ZFHX3: variants seen among roughly 807,000 people sequenced by gnomAD.
ZFHX3 encodes the protein zinc finger homeobox 3.
ZFHX3 carries 42 observed loss-of-function variants against 279.1 expected under a neutral mutation model. The ratio of observed to expected loss-of-function variants is 0.15; its 90% CI spans 0.12 to 0.19. The LOEUF is 0.19. ZFHX3 is among the 10% of genes least tolerant of loss of function. The pLI is 1.00. For synonymous variants in ZFHX3, 2,293 were observed against 1,957.8 expected, an observed-to-expected ratio of 1.17 and a Z score of -4.52; for missense variants, 4,981 against 4,754.0, an observed-to-expected ratio of 1.05 and a Z score of -1.40.
intron 5 of ZFHX3, among the ~76,000 whole-genome samples, chr16:73,214,843 C>CTTTTTTTTT (rs386385051): frequency 4.1e-3 from 328 of 79,266 alleles, no homozygotes; most frequent in Middle Eastern, 0.012. Flanking sequence ...TGCTGAAGGC[C>CTTTTTTTTT]TTTTTTTTTT....
At chr16:73,463,510 C>T (rs1442790373) in intron 2 of ZFHX3, among the ~76,000 whole-genome samples, 1 of 152,162 alleles carries the variant, frequency 6.6e-6, no homozygotes, top group Non-Finnish European at 1.5e-5. Context: ...TCTGGTATAA[C>T]CTGTGCTTTT....
At chr16:73,563,942 G>A (rs1157279552) in intron 2 of ZFHX3, among the ~76,000 whole-genome samples, 1 of 151,972 alleles carries the variant, frequency 6.6e-6, no homozygotes, top group African/African-American at 2.4e-5. Flanking sequence ...ACTTCTCAAG[G>A]GACTCAAAGC....
chr16:73,522,607 G>A (rs758537641), intron 2 of ZFHX3, among the ~76,000 whole-genome samples: 3 of 152,104 alleles, frequency 2.0e-5, no homozygotes, highest in African/African-American at 4.8e-5. Flanking sequence ...GCAGGAAACC[G>A]GGCAGGAAAT....
At chr16:73,592,231 AAAAC>A (rs890574495) in intron 2 of ZFHX3, among the ~76,000 whole-genome samples, 305 of 152,330 alleles carry the variant, frequency 2.0e-3, no homozygotes, top group African/African-American at 6.4e-3. Flanking sequence ...AGACTGTCTC[AAAAC>A]AAACAAACGA....
At chr16:73,574,318 C>T (rs1019567587) in intron 2 of ZFHX3, among the ~76,000 whole-genome samples, 9 of 150,628 alleles carry the variant, frequency 6.0e-5, no homozygotes, top group Non-Finnish European at 1.0e-4. Context: ...GTAACGGACC[C>T]GGGTGAAATT....
intron 4 of ZFHX3, among the ~76,000 whole-genome samples, chr16:73,268,626 G>T (rs947595474): frequency 5.9e-5 from 9 of 152,194 alleles, no homozygotes; most frequent in Admixed American, 5.9e-4. Context: ...TAATTCAGAA[G>T]AATAAGCCTG....
intron 2 of ZFHX3, among the ~76,000 whole-genome samples, chr16:73,507,002 C>T (rs1159321971): frequency 1.3e-5 from 2 of 152,204 alleles, no homozygotes; most frequent in Non-Finnish European, 2.9e-5. Context: ...CTTCCACCGA[C>T]GCATAAGTGG....
chr16:73,695,652 G>T (rs778987294), intron 1 of ZFHX3, among the ~76,000 whole-genome samples: 7 of 152,160 alleles, frequency 4.6e-5, no homozygotes, highest in Non-Finnish European at 7.4e-5. Flanking sequence ...TGTCATTTCA[G>T]CTTCTTTCAT....
chr16:72,989,386 G>T (rs538950620), intron 1 of ZFHX3, among the ~76,000 whole-genome samples: 1 of 151,976 alleles, frequency 6.6e-6, no homozygotes, highest in East Asian at 1.9e-4. Flanking sequence ...GGAGGCTGAG[G>T]CAGGAGAATT....
chr16:73,163,826 T>C (rs1051010547), intron 5 of ZFHX3, among the ~76,000 whole-genome samples: 6 of 152,198 alleles, frequency 3.9e-5, no homozygotes, highest in African/African-American at 1.4e-4. Context: ...CATAAATAAA[T>C]AAATAAAAAT....
In ZFHX3 at chr16:73,867,696, G is replaced by A. The variant is rs1181349505; in HGVS notation, c.-1608+23955C>T. On this transcript the variant is annotated intron_variant, in intron 1 of 17. Coordinates refer to the ZFHX3 transcript ENST00000641206. The stretch of plus-strand genomic sequence containing the variant: ...TAGTGGACACCTATCGTTTTTCTGG[G>A]CATCTGATGTACCCATTCCCCCTCC... 2.0e-5 allele frequency among the ~76,000 whole-genome samples: 3 copies of A among 152,206 alleles called. No individual in the cohort carries two copies. In the East Asian group the frequency reaches 5.8e-4, roughly 29 times the overall value.
intron 1 of ZFHX3, among the ~76,000 whole-genome samples, chr16:73,749,710 G>A (rs16972452): frequency 0.054 from 8,174 of 152,220 alleles, 748 homozygotes; most frequent in African/African-American, 0.19. Context: ...ACGTGCACTG[G>A]AATGCATCAC....
chr16:73,531,714 CAAAA>C (rs34119200), intron 2 of ZFHX3, among the ~76,000 whole-genome samples: 22 of 81,132 alleles, frequency 2.7e-4, no homozygotes, highest in African/African-American at 8.7e-4. Context: ...AACCCTGTCT[CAAAA>C]AAAAAAAAAA....
At chr16:73,674,081 C>T (rs975346529) in intron 2 of ZFHX3, among the ~76,000 whole-genome samples, 6 of 152,170 alleles carry the variant, frequency 3.9e-5, no homozygotes, top group African/African-American at 1.4e-4. Flanking sequence ...GTACTCAACT[C>T]TAATTCCTCG....
intron 5 of ZFHX3, among the ~76,000 whole-genome samples, chr16:73,186,025 C>A (rs1967900444): frequency 6.6e-6 from 1 of 152,068 alleles, no homozygotes; most frequent in Non-Finnish European, 1.5e-5. Context: ...TGCGAGGGAT[C>A]TAGGTTGCGC....
At chr16:72,990,746 C>T (rs757458805) in intron 1 of ZFHX3, among the ~76,000 whole-genome samples, 3 of 152,040 alleles carry the variant, frequency 2.0e-5, no homozygotes, top group African/African-American at 4.8e-5. Context: ...TCTGAGAGTC[C>T]GAGGCAGGTG....
chr16:73,797,578 A>G (rs1324771893), intron 1 of ZFHX3, among the ~76,000 whole-genome samples: 3 of 152,100 alleles, frequency 2.0e-5, no homozygotes, highest in Non-Finnish European at 4.4e-5. Flanking sequence ...ATTTTCAAGT[A>G]TGATTCATTG....
intron 1 of ZFHX3, among the ~76,000 whole-genome samples, chr16:73,751,558 T>C (rs978581904): frequency 4.6e-5 from 7 of 152,218 alleles, no homozygotes; most frequent in Admixed American, 2.6e-4. Flanking sequence ...TTTATGTACA[T>C]ACATATGTTT....
intron 1 of ZFHX3, among the ~76,000 whole-genome samples, chr16:72,977,283 G>A (rs1429221581): frequency 6.6e-6 from 1 of 152,098 alleles, no homozygotes; most frequent in Admixed American, 6.6e-5. Flanking sequence ...TCCAGACGCA[G>A]CGTCTGGCCT....
Sources: allele counts gnomAD v4.1 joint callset (sites outside exome capture counted in the v4.1 genomes callset), GRCh38; gene constraint gnomAD v4.1.1; transcripts MANE v1.5; gene names NCBI Gene and HGNC (gene_info 2026-07-23, HGNC 2026-07-21).